The following CEP97 variants were observed in gnomAD, a reference collection of about 807,000 sequenced individuals.
The protein encoded by CEP97 is centrosomal protein 97.
In CEP97, 43 loss-of-function variants were observed where a neutral mutation model predicts 73.1. The observed-to-expected ratio is 0.59, with a 90% CI of 0.46 to 0.76. CEP97 has a LOEUF of 0.76. CEP97 is among the 30% of genes least tolerant of loss of function. The probability of loss-of-function intolerance (pLI) is 0.00; values close to 1 mark genes in which losing one functional copy is unlikely to be tolerated. For synonymous variants in CEP97, 337 were observed against 370.0 expected (o/e 0.91, Z 1.02); for missense variants, 939 against 1,014.0 (o/e 0.93, Z 1.00).
intron 2 of CEP97, 90 bp from the exon 3 acceptor site, chr3:101,727,293 G>T: frequency 1.9e-6 from 2 of 1,029,510 alleles, no homozygotes; most frequent in South Asian, 1.6e-5. Flanking sequence ...GAGAGTGTTT[G>T]GCTGTCTAAA....
At chr3:101,753,088 G>C (rs1274949995) in intron 6 of CEP97, among the ~76,000 whole-genome samples, 9 of 151,626 alleles carry the variant, frequency 5.9e-5, no homozygotes, top group East Asian at 1.9e-4. Flanking sequence ...GATGTCCTTT[G>C]TGTTTGTTAG....
intron 10 of CEP97, chr3:101,763,307 A>C: frequency 1.2e-6 from 1 of 814,706 alleles, no homozygotes; most frequent in Non-Finnish European, 1.6e-6. Flanking sequence ...AAATTATAGA[A>C]TAATAATACT....
At position 101,730,308 on chromosome 3, in the gene CEP97, C is replaced by T. The variant is rs903763472; in HGVS notation, c.447+1371C>T. ...TGAGACGGAGTTTTGCTCTGTTGCC[C>T]AGGCTGGAGTGCAGTGGCGCAATCT... is the stretch of plus-strand genomic sequence containing the variant. On this transcript the variant is annotated intron_variant, in intron 4 of 10. Coordinates refer to ENST00000341893, the MANE Select transcript of CEP97 (RefSeq NM_024548.4). Among the ~76,000 whole-genome samples, 36 of 151,412 alleles carry T rather than the reference C, an allele frequency of 2.4e-4. 1 individual carries two copies. The highest frequency in any genetic ancestry group is 4.2e-4 in the South Asian group (2 of 4,802).
chr3:101,763,333 A>C (rs1224601794), intron 10 of CEP97: 1 of 621,386 alleles, frequency 1.6e-6, no homozygotes, highest in Non-Finnish European at 2.2e-6. Context: ...ATACCATGGA[A>C]TAGTTAAAAA....
Position 101,757,926 on chromosome 3 carries a change from G to A in CEP97, c.1320G>A (p.Val440=). The change falls in exon 9 of 11, where the codon GTG becomes GTA. Residue 440 remains valine, a synonymous_variant. Coordinates refer to ENST00000341893, the MANE Select transcript of CEP97 (RefSeq NM_024548.4). ...LEDDGVADES[V]KGLESQVLDK... ...ATGATGGTGTTGCAGATGAATCTGT[G>A]AAAGGGCTGGAAAGCCAGGTGTTGG... The A allele has an allele frequency of 6.2e-7, 1 of 1,614,256 alleles. No individual in the cohort carries two copies. The highest frequency in any genetic ancestry group is 8.5e-7 in the Non-Finnish European group (1 of 1,180,046).
intron 6 of CEP97, among the ~76,000 whole-genome samples, chr3:101,739,318 A>G (rs1392519515): frequency 1.3e-5 from 2 of 152,178 alleles, no homozygotes; most frequent in Non-Finnish European, 2.9e-5. Context: ...TAACTCATTT[A>G]TGAGGTCAGC....
In CEP97 at chr3:101,765,072, C is replaced by G. The variant is rs765180918; in HGVS notation, c.2119C>G (p.Leu707Val). ...EFPDSGFHSS[L>V]TEQVHSLQHS... ...TCCAGACTCTGGTTTTCATTCCTCT[C>G]TAACAGAACAAGTTCATTCATTGCA... The change falls in exon 11 of 11, where the codon CTA (leucine) becomes GTA (valine). Residue 707 changes from leucine to valine, a missense_variant. By Grantham distance (32) the Leu-to-Val change is conservative. Transcript: ENST00000341893. 3 of 1,614,036 alleles carry G rather than the reference C, an allele frequency of 1.9e-6. No individual in the cohort carries two copies. The highest frequency in any genetic ancestry group is 4.5e-5 in the East Asian group (2 of 44,882).
At position 101,758,221 on chromosome 3, in the gene CEP97, A is replaced by T; in HGVS notation, c.1615A>T (p.Met539Leu). Residue 539 changes from methionine (M) to leucine (L), a missense_variant, in exon 9 of 11, where the codon ATG (methionine) becomes TTG (leucine). Coordinates refer to ENST00000341893, the MANE Select transcript of CEP97 (RefSeq NM_024548.4). ...ISQATSEKLP[M>L]ILTQRSVALG... ...TCAAGCAACTTCAGAGAAACTTCCC[A>T]TGATTTTAACCCAGAGATCTGTTGC... 6.2e-7 allele frequency: 1 copy of T among 1,614,218 alleles called. No homozygotes were observed. Among genetic ancestry groups the T allele is most frequent in the Non-Finnish European group, 8.5e-7 (1 of 1,180,030 alleles).
rs895513290 is a variant in CEP97 at position 101,768,100 on chromosome 3, G to T, written c.*2549G>T. The T allele has an allele frequency of 6.6e-6, 1 of 152,108 alleles. No individual in the cohort carries two copies. The highest frequency in any genetic ancestry group is 1.5e-5 in the Non-Finnish European group (1 of 68,010). 9.4% of individuals were successfully genotyped at this position (152,108 alleles called of 1,614,324 possible). A position where few individuals can be genotyped will look rare whatever the true frequency, so the allele number is the denominator to read the frequency against. On this transcript the variant is annotated 3_prime_UTR_variant, in exon 11 of 11. Transcript: ENST00000341893. ...TATTTTAGTACACATCAGTTCTCTTGATTTATGGAAGATTCAGTTTATCAA... is the reference window on the plus strand; with the variant it reads ...TATTTTAGTACACATCAGTTCTCTTTATTTATGGAAGATTCAGTTTATCAA...
rs1560024900 is a variant in CEP97 at position 101,768,103 on chromosome 3, T to G, written c.*2552T>G. Reference sequence around the variant, plus strand: ...TTTAGTACACATCAGTTCTCTTGATTTATGGAAGATTCAGTTTATCAATTA... The same window carrying G: ...TTTAGTACACATCAGTTCTCTTGATGTATGGAAGATTCAGTTTATCAATTA... On this transcript the variant is annotated 3_prime_UTR_variant, in exon 11 of 11. Transcript: ENST00000341893. The G allele has an allele frequency of 6.6e-6, 1 of 152,168 alleles. No homozygotes were observed. Among genetic ancestry groups the G allele is most frequent in the Non-Finnish European group, 1.5e-5 (1 of 68,010 alleles). The allele number at this position is 152,168 out of a possible 1,614,324, so 9.4% of individuals were successfully genotyped here. A position where few individuals can be genotyped will look rare whatever the true frequency, so the allele number is the denominator to read the frequency against.
chr3:101,733,742 G>A lies in CEP97; in HGVS notation c.728+1088G>A, dbSNP rs111892438. ...AGACGGGGTTTCACCGTTTTAGCCGGTATGGTCTCGATCTCCTGACCTCGT... is the reference window on the plus strand; with the variant it reads ...AGACGGGGTTTCACCGTTTTAGCCGATATGGTCTCGATCTCCTGACCTCGT... On this transcript the variant is annotated intron_variant, in intron 6 of 10. Coordinates refer to ENST00000341893, the MANE Select transcript of CEP97 (RefSeq NM_024548.4). 2.1e-3 allele frequency among the ~76,000 whole-genome samples: 319 copies of A among 152,088 alleles called. 2 individuals are homozygous for A. The highest frequency in any genetic ancestry group is 6.5e-3 in the African/African-American group (270 of 41,508).
chr3:101,729,125 C>T (rs1442561474), intron 4 of CEP97, among the ~76,000 whole-genome samples, 188 bp downstream of exon 4: 2 of 152,124 alleles, frequency 1.3e-5, no homozygotes, highest in African/African-American at 2.4e-5. Flanking sequence ...GAGTGGATGG[C>T]TTGAGCTCAG....
rs1939430419 is a variant in CEP97 at position 101,770,378 on chromosome 3, CAAT to C, written c.*4830_*4832del. Reference sequence around the variant, plus strand: ...TGTTTTGTAATAATTTTAATGTTGACAATAAGAGTTTAAAAATAATTTGATTTT... The same window carrying C: ...TGTTTTGTAATAATTTTAATGTTGACAAGAGTTTAAAAATAATTTGATTTT... On this transcript the variant is annotated 3_prime_UTR_variant, in exon 11 of 11. Coordinates refer to ENST00000341893, the MANE Select transcript of CEP97 (RefSeq NM_024548.4). The C allele has an allele frequency of 6.6e-6, 1 of 152,040 alleles. No individual in the cohort carries two copies. The highest frequency in any genetic ancestry group is 2.1e-4 in the South Asian group (1 of 4,828). 9.4% of individuals were successfully genotyped at this position (152,040 alleles called of 1,614,324 possible).
rs745558163 is a variant in CEP97 at position 101,765,003 on chromosome 3, A to C, written c.2050A>C (p.Ile684Leu). 6.2e-7 allele frequency: 1 copy of C among 1,614,098 alleles called. No homozygotes were observed. Among genetic ancestry groups the C allele is most frequent in the South Asian group, 1.1e-5 (1 of 91,074 alleles). Reference protein sequence around the residue: ...SSCDQNADWFIASDVAPQEKS... With the variant: ...SSCDQNADWFLASDVAPQEKS... ...TTGTGATCAAAATGCTGATTGGTTTATTGCTTCTGATGTAGCTCCTCAAGA... is the reference window on the plus strand; with the variant it reads ...TTGTGATCAAAATGCTGATTGGTTTCTTGCTTCTGATGTAGCTCCTCAAGA... The change falls in exon 11 of 11, where the codon ATT becomes CTT. Residue 684 changes from isoleucine to leucine, a missense_variant. By Grantham distance (5) the Ile-to-Leu change is conservative. Transcript: ENST00000341893.
Position 101,755,600 on chromosome 3 carries a change from C to T in CEP97, c.893+6C>T, listed in dbSNP as rs1438139965. ...AAGATTTTGAGCAAACAGAGGTAAG[C>T]CCATTTATTTCTAACAACTGATGAA... On this transcript the variant is annotated splice_donor_region_variant and intron_variant, in intron 7 of 10. Transcript: ENST00000341893. The T allele has an allele frequency of 1.2e-6, 2 of 1,613,188 alleles. No homozygotes were observed. Among genetic ancestry groups the T allele is most frequent in the East Asian group, 2.2e-5 (1 of 44,880 alleles).
intron 6 of CEP97, among the ~76,000 whole-genome samples, chr3:101,739,595 G>C (rs901714692): frequency 7.2e-5 from 11 of 152,112 alleles, no homozygotes; most frequent in Admixed American, 7.2e-4. Context: ...AATAGATGCA[G>C]AAAAGGCCTT....
chr3:101,762,544 G>A lies in CEP97; in HGVS notation c.1877G>A (p.Arg626Lys). ...AAATTTGTACAAGAAGAAGCTTTCAGATTCCTTTGGAACCAGGTAAACTCC... is the reference window on the plus strand; with the variant it reads ...AAATTTGTACAAGAAGAAGCTTTCAAATTCCTTTGGAACCAGGTAAACTCC... ...IKKFVQEEAF[R>K]FLWNQVRSLQ... The change falls in exon 10 of 11, where the codon AGA becomes AAA. Residue 626 changes from arginine (R) to lysine (K), a missense_variant. Arg to Lys is a conservative substitution (Grantham distance 26). Transcript: ENST00000341893. 6.2e-7 allele frequency: 1 copy of A among 1,610,398 alleles called. No individual in the cohort carries two copies. The highest frequency in any genetic ancestry group is 8.5e-7 in the Non-Finnish European group (1 of 1,178,166).
intron 4 of CEP97, among the ~76,000 whole-genome samples, chr3:101,730,203 A>G (rs563477612): frequency 6.6e-6 from 1 of 152,210 alleles, no homozygotes; most frequent in Admixed American, 6.5e-5. Flanking sequence ...GATTACAGGC[A>G]TGAGCCACCG....
At chr3:101,729,200 T>G (rs1262392899) in intron 4 of CEP97, among the ~76,000 whole-genome samples, 1 of 151,892 alleles carries the variant, frequency 6.6e-6, no homozygotes, top group Non-Finnish European at 1.5e-5. Flanking sequence ...CAAAAATTAG[T>G]GGGGCATAGT....
Sources: allele counts gnomAD v4.1 joint callset (sites outside exome capture counted in the v4.1 genomes callset), GRCh38; gene constraint gnomAD v4.1.1; transcripts MANE v1.5; gene names NCBI Gene and HGNC (gene_info 2026-07-23, HGNC 2026-07-21).